GPC5: variants seen among roughly 807,000 people sequenced by gnomAD.
GPC5 encodes the protein glypican-5.
In GPC5, 47 loss-of-function variants were observed where a neutral mutation model predicts 53.9. The observed-to-expected ratio is 0.87, with a 90% confidence interval of 0.69 to 1.11. The LOEUF (loss-of-function observed/expected upper bound fraction) is 1.11. GPC5 is among the 50% of genes most tolerant of loss of function. The probability of loss-of-function intolerance (pLI) is 0.00; values close to 1 mark genes in which losing one functional copy is unlikely to be tolerated. For synonymous variants in GPC5, 286 were observed against 263.3 expected, an observed-to-expected ratio of 1.09 and a Z score of -0.84; for missense variants, 748 against 713.1, an observed-to-expected ratio of 1.05 and a Z score of -0.56.
intron 2 of GPC5, among the ~76,000 whole-genome samples, chr13:91,681,569 A>G (rs2035509504): frequency 6.6e-6 from 1 of 152,192 alleles, no homozygotes; most frequent in Non-Finnish European, 1.5e-5. Context: ...CTAACTAAAT[A>G]GTAGTTTATT....
intron 7 of GPC5, among the ~76,000 whole-genome samples, chr13:92,355,180 T>A (rs1006329085): frequency 5.3e-5 from 8 of 151,862 alleles, no homozygotes; most frequent in African/African-American, 1.9e-4. Context: ...TTCTCATTAA[T>A]AATTTAAGTT....
intron 7 of GPC5, among the ~76,000 whole-genome samples, chr13:92,572,189 G>A (rs774933320): frequency 2.6e-5 from 4 of 152,102 alleles, no homozygotes; most frequent in Middle Eastern, 3.2e-3. Flanking sequence ...ATTTGTTTTT[G>A]TATAATATTG....
rs114237089 is a variant in GPC5, at chr13:92,619,273, G to A, written c.1562-247009G>A. Reference sequence around the variant, plus strand: ...TTAAAATGGCATATTTAATTTTTATGTCACATTGCATTTCTTCATAGCCTT... The same window carrying A: ...TTAAAATGGCATATTTAATTTTTATATCACATTGCATTTCTTCATAGCCTT... On this transcript the variant is annotated intron_variant, in intron 7 of 7. Transcript: ENST00000377067. 2.6e-3 allele frequency among the ~76,000 whole-genome samples: 398 copies of A among 151,960 alleles called. 4 individuals carry two copies. Among genetic ancestry groups the A allele is most frequent in the African/African-American group, 9.4e-3 (392 of 41,508 alleles).
At chr13:92,666,789 C>G (rs1414332231) in intron 7 of GPC5, among the ~76,000 whole-genome samples, 1 of 152,210 alleles carries the variant, frequency 6.6e-6, no homozygotes, top group Non-Finnish European at 1.5e-5. Flanking sequence ...ATTTCCAGTA[C>G]TGCACATGCT....
chr13:92,585,014 AG>A (rs1319216854), intron 7 of GPC5, among the ~76,000 whole-genome samples: 2 of 151,742 alleles, frequency 1.3e-5, no homozygotes, highest in Non-Finnish European at 2.9e-5. Flanking sequence ...TTGCTGGTGG[AG>A]GGGGTAAGGG....
chr13:92,119,859 C>G (rs1362814925), intron 6 of GPC5, among the ~76,000 whole-genome samples: 1 of 151,896 alleles, frequency 6.6e-6, no homozygotes, highest in Non-Finnish European at 1.5e-5. Flanking sequence ...TGTATTCTCT[C>G]TGCACAACTA....
At chr13:92,036,379 T>C (rs903908295) in intron 6 of GPC5, among the ~76,000 whole-genome samples, 4 of 152,220 alleles carry the variant, frequency 2.6e-5, no homozygotes, top group Admixed American at 1.3e-4. Context: ...GATGTCTAGT[T>C]ACTGGCCAAA....
chr13:91,763,621 G>A (rs768313509), intron 5 of GPC5, among the ~76,000 whole-genome samples: 1 of 152,148 alleles, frequency 6.6e-6, no homozygotes, highest in Non-Finnish European at 1.5e-5. Context: ...GACAAATCCA[G>A]GTATGGCTGA....
At chr13:92,526,409 T>C (rs539402289) in intron 7 of GPC5, among the ~76,000 whole-genome samples, 4 of 152,222 alleles carry the variant, frequency 2.6e-5, no homozygotes, top group African/African-American at 9.6e-5. Flanking sequence ...AAAAGGAATT[T>C]TGACATATTT....
chr13:91,997,589 G>T (rs1311923872), intron 6 of GPC5, among the ~76,000 whole-genome samples: 1 of 152,130 alleles, frequency 6.6e-6, no homozygotes, highest in Non-Finnish European at 1.5e-5. Context: ...CGTGATCTCA[G>T]CTCACTGCAA....
intron 7 of GPC5, among the ~76,000 whole-genome samples, chr13:92,269,642 G>A (rs7987471): frequency 0.35 from 52,447 of 151,818 alleles, 9,718 homozygotes; most frequent in African/African-American, 0.48. Flanking sequence ...TCCTGACCTC[G>A]TGATCTGCCC....
intron 5 of GPC5, among the ~76,000 whole-genome samples, chr13:91,843,491 TA>T (rs2038813300): frequency 6.6e-6 from 1 of 152,138 alleles, no homozygotes; most frequent in Non-Finnish European, 1.5e-5. Flanking sequence ...GCAAATAAAC[TA>T]GTATTGTCTG....
At chr13:91,528,880 G>A (rs1262476959) in intron 2 of GPC5, among the ~76,000 whole-genome samples, 1 of 152,126 alleles carries the variant, frequency 6.6e-6, no homozygotes, top group Non-Finnish European at 1.5e-5. Context: ...TAAACCATCA[G>A]AGTGCGTGAG....
At chr13:91,695,474 T>C (rs1232072501) in intron 3 of GPC5, among the ~76,000 whole-genome samples, 1 of 152,074 alleles carries the variant, frequency 6.6e-6, no homozygotes, top group Admixed American at 6.6e-5. Context: ...TCCGGGTTCA[T>C]GCCATTCTCC....
At chr13:92,502,680 G>A (rs573305524) in intron 7 of GPC5, among the ~76,000 whole-genome samples, 2 of 151,980 alleles carry the variant, frequency 1.3e-5, no homozygotes, top group Non-Finnish European at 2.9e-5. Flanking sequence ...CCTAACAGCA[G>A]AATTTTAGAA....
chr13:91,412,511 A>G (rs1387779650), intron 1 of GPC5, among the ~76,000 whole-genome samples: 1 of 152,252 alleles, frequency 6.6e-6, no homozygotes, highest in African/African-American at 2.4e-5. Context: ...ATCCTTAATC[A>G]TAAATGAACC....
At chr13:92,671,733 A>G (rs1224059733) in intron 7 of GPC5, among the ~76,000 whole-genome samples, 1 of 152,202 alleles carries the variant, frequency 6.6e-6, no homozygotes, top group Non-Finnish European at 1.5e-5. Flanking sequence ...ATATTCCAGT[A>G]TCTGTGAGAC....
At chr13:91,496,793 C>T (rs138572011) in intron 2 of GPC5, among the ~76,000 whole-genome samples, 2 of 152,006 alleles carry the variant, frequency 1.3e-5, no homozygotes, top group Non-Finnish European at 2.9e-5. Context: ...ATAATCATAA[C>T]GCAAAAGATG....
At chr13:91,536,510 C>A (rs891083665) in intron 2 of GPC5, among the ~76,000 whole-genome samples, 5 of 152,090 alleles carry the variant, frequency 3.3e-5, no homozygotes, top group Admixed American at 1.3e-4. Context: ...CTTGACTTGA[C>A]CTGAAAAGTA....
Sources: allele counts gnomAD v4.1 joint callset (sites outside exome capture counted in the v4.1 genomes callset), GRCh38; gene constraint gnomAD v4.1.1; transcripts MANE v1.5; gene names NCBI Gene and HGNC (gene_info 2026-07-23, HGNC 2026-07-21).